Variants in CCND1 observed in about 807,000 individuals in gnomAD.
CCND1 encodes the protein cyclin D1, also known as G1/S-specific cyclin-D1.
A neutral mutation model predicts 26.1 loss-of-function variants in CCND1; 9 were observed. That is an observed-to-expected ratio of 0.35 (90% confidence interval 0.21 to 0.60). The LOEUF (loss-of-function observed/expected upper bound fraction) is 0.60, where lower values mean the gene tolerates loss of function less well. Ranked by LOEUF, CCND1 falls within the 20% of genes least tolerant of loss-of-function variation. CCND1 has a pLI of 0.79. For synonymous variants in CCND1, 194 were observed against 166.1 expected (o/e 1.17, Z -1.29); for missense variants, 335 against 392.9 (o/e 0.85, Z 1.25).
chr11:69,643,228 C>T lies in CCND1; in HGVS notation c.396C>T (p.Ile132=), dbSNP rs376384298. 1.3e-6 allele frequency: 2 copies of T among 1,589,324 alleles called. No individual in the cohort carries two copies. Among genetic ancestry groups the T allele is most frequent in the Non-Finnish European group, 1.7e-6 (2 of 1,168,838 alleles). ...EKLCIYTDNS[I]RPEELLQMEL... ...TGTGCATCTACACCGACAACTCCAT[C>T]CGGCCCGAGGAGCTGCTGGTAACCA... Residue 132 remains isoleucine, a synonymous_variant, in exon 2 of 5, where the codon ATC becomes ATT. Coordinates refer to ENST00000227507, the MANE Select transcript of CCND1 (RefSeq NM_053056.3).
In CCND1 at chr11:69,654,120, A is replaced by G. The variant is rs979610379; in HGVS notation, c.*2838A>G. 16 of 459,602 alleles carry G rather than the reference A, an allele frequency of 3.5e-5. No homozygotes were observed. Among genetic ancestry groups the G allele is most frequent in the Non-Finnish European group, 6.2e-5 (15 of 241,528 alleles). The allele number at this position is 459,602 out of a possible 1,614,324, so 28.5% of individuals were successfully genotyped here. ...CGGAGGCCATCTCGGGCACAGGCCC[A>G]CCCCGCCCCACCCCTCCAGAACACG... On this transcript the variant is annotated 3_prime_UTR_variant, in exon 5 of 5. Coordinates refer to ENST00000227507, the MANE Select transcript of CCND1 (RefSeq NM_053056.3). The surrounding 1 kb of genome is among the most constrained non-coding windows in gnomAD (Gnocchi z 6.3).
chr11:69,647,151 G>T (rs774280613), intron 3 of CCND1, among the ~76,000 whole-genome samples: 3 of 152,242 alleles, frequency 2.0e-5, no homozygotes, highest in Non-Finnish European at 2.9e-5. Context: ...TCCCTTACTT[G>T]GGAAGTCACT....
At chr11:69,642,464 TC>T (rs1163751496) in intron 1 of CCND1, among the ~76,000 whole-genome samples, 1 of 151,408 alleles carries the variant, frequency 6.6e-6, no homozygotes, top group Non-Finnish European at 1.5e-5. Flanking sequence ...TTCCTGGGGC[TC>T]CCCCCGGAGC....
Position 69,654,125 on chromosome 11 carries a change from G to GCCCCA in CCND1, c.*2848_*2852dup. The GCCCCA allele has an allele frequency of 2.1e-6, 1 of 484,516 alleles. No individual in the cohort carries two copies. The highest frequency in any genetic ancestry group is 3.9e-6 in the Non-Finnish European group (1 of 255,892). 30.0% of individuals were successfully genotyped at this position (484,516 alleles called of 1,614,324 possible). On this transcript the variant is annotated 3_prime_UTR_variant, in exon 5 of 5. Transcript: ENST00000227507. The surrounding 1 kb of genome is among the most constrained non-coding windows in gnomAD (Gnocchi z 6.3). The stretch of plus-strand genomic sequence containing the variant: ...GCCATCTCGGGCACAGGCCCACCCC[G>GCCCCA]CCCCACCCCTCCAGAACACGGCTCA...
At position 69,651,154 on chromosome 11, in the gene CCND1, C is replaced by T. The variant is rs781059788; in HGVS notation, c.760C>T (p.Leu254=). Residue 254 remains leucine, a synonymous_variant, in exon 5 of 5, where the codon CTG becomes TTG. Coordinates refer to ENST00000227507, the MANE Select transcript of CCND1 (RefSeq NM_053056.3). ...GGCCTGCCAGGAGCAGATCGAAGCC[C>T]TGCTGGAGTCAAGCCTGCGCCAGGC... is the stretch of plus-strand genomic sequence containing the variant. ...LRACQEQIEA[L]LESSLRQAQQ... 1.2e-6 allele frequency: 2 copies of T among 1,613,238 alleles called. No homozygotes were observed. Among genetic ancestry groups the T allele is most frequent in the Non-Finnish European group, 1.7e-6 (2 of 1,179,552 alleles).
At chr11:69,647,770 TGG>T (rs1327415886) in intron 3 of CCND1, among the ~76,000 whole-genome samples, 5 of 152,170 alleles carry the variant, frequency 3.3e-5, no homozygotes, top group African/African-American at 1.2e-4. Flanking sequence ...GAGTCAACAG[TGG>T]GGCTGACGTT....
chr11:69,648,933 C>G (rs1855820607), intron 4 of CCND1, among the ~76,000 whole-genome samples: 1 of 152,156 alleles, frequency 6.6e-6, no homozygotes, highest in African/African-American at 2.4e-5. Flanking sequence ...CCTGCCTGTC[C>G]CCTGCCTAGT....
At chr11:69,642,785 G>A (rs1399473295) in intron 1 of CCND1, among the ~76,000 whole-genome samples, 2 of 151,866 alleles carry the variant, frequency 1.3e-5, no homozygotes, top group African/African-American at 2.4e-5. Context: ...ACGCCGCCCA[G>A]CTGTGCCCGC....
rs1441048613 is a variant in CCND1, at chr11:69,643,019, G to A, written c.199-12G>A. On this transcript the variant is annotated splice_polypyrimidine_tract_variant and intron_variant, in intron 1 of 4. Transcript: ENST00000227507. ...CCTGGCGGCGGCGGTCACGGGCCCC[G>A]TGCCTCCGTAGGTCTGCGAGGAACA... The A allele has an allele frequency of 6.5e-7, 1 of 1,547,174 alleles. No homozygotes were observed. Among genetic ancestry groups the A allele is most frequent in the Non-Finnish European group, 8.7e-7 (1 of 1,145,442 alleles).
Position 69,647,986 on chromosome 11 carries a change from T to C in CCND1, c.575-8T>C, listed in dbSNP as rs201881393. 6.2e-7 allele frequency: 1 copy of C among 1,613,742 alleles called. No individual in the cohort carries two copies. The highest frequency in any genetic ancestry group is 1.3e-5 in the African/African-American group (1 of 75,058). ...CACAGCCTCCTTCCCTCTCTCCTTC[T>C]GCCTCAGATGTGAAGTTCATTTCCA... On this transcript the variant is annotated splice_polypyrimidine_tract_variant and splice_region_variant and intron_variant, in intron 3 of 4. Transcript: ENST00000227507.
rs1417687689 is a variant in CCND1 at position 69,641,282 on chromosome 11, C to T, written c.-32C>T. 1 of 1,597,642 alleles carries T rather than the reference C, an allele frequency of 6.3e-7. No homozygotes were observed. The highest frequency in any genetic ancestry group is 8.5e-7 in the Non-Finnish European group (1 of 1,172,792). ...GCGCGGACCCAGCCAGGACCCACAGCCCTCCCCAGCTGCCCAGGAAGAGCC... is the reference window on the plus strand; with the variant it reads ...GCGCGGACCCAGCCAGGACCCACAGTCCTCCCCAGCTGCCCAGGAAGAGCC... On this transcript the variant is annotated 5_prime_UTR_variant, in exon 1 of 5. Coordinates refer to ENST00000227507, the MANE Select transcript of CCND1 (RefSeq NM_053056.3).
In CCND1 at chr11:69,651,314, C is replaced by T. The variant is rs765041741; in HGVS notation, c.*32C>T. The T allele has an allele frequency of 1.2e-5, 17 of 1,435,972 alleles. No individual in the cohort carries two copies. Among genetic ancestry groups the T allele is most frequent in the East Asian group, 1.1e-4 (4 of 35,604 alleles). The allele number at this position is 1,435,972 out of a possible 1,614,324, so 89.0% of individuals were successfully genotyped here. The stretch of plus-strand genomic sequence containing the variant: ...CAGGCAGGCGGGCGCCACCGCCACC[C>T]GCAGCGAGGGCGGAGCCGGCCCCAG... On this transcript the variant is annotated 3_prime_UTR_variant, in exon 5 of 5. Transcript: ENST00000227507.
At chr11:69,644,559 G>A (rs768467948) in intron 3 of CCND1, among the ~76,000 whole-genome samples, 1 of 152,188 alleles carries the variant, frequency 6.6e-6, no homozygotes, top group East Asian at 1.9e-4. Context: ...GCAGCCAGCC[G>A]GGCTCAGCTG....
Position 69,643,902 on chromosome 11 carries a change from A to G in CCND1, c.485A>G (p.Glu162Gly), listed in dbSNP as rs1332977808. ...GCAATGACCCCGCACGATTTCATTG[A>G]ACACTTCCTCTCCAAAATGCCAGAG... The part of the protein sequence containing the change: ...LAAMTPHDFI[E>G]HFLSKMPEAE... The change falls in exon 3 of 5, where the codon GAA becomes GGA. Residue 162 changes from glutamate to glycine, a missense_variant. By Grantham distance (98) the Glu-to-Gly change is moderately conservative. Transcript: ENST00000227507. 2 of 1,613,544 alleles carry G rather than the reference A, an allele frequency of 1.2e-6. No homozygotes were observed. Among genetic ancestry groups the G allele is most frequent in the African/African-American group, 2.7e-5 (2 of 74,938 alleles).
chr11:69,642,254 G>A (rs1168049575), intron 1 of CCND1, among the ~76,000 whole-genome samples: 2 of 152,230 alleles, frequency 1.3e-5, no homozygotes, highest in African/African-American at 4.8e-5. Context: ...GCCAGGGCTT[G>A]ATCCCCGTCT....
At chr11:69,641,551 A>T (rs1431122322) in intron 1 of CCND1, 40 bp downstream of exon 1, 1 of 1,596,306 alleles carries the variant, frequency 6.3e-7, no homozygotes. Flanking sequence ...CTTCCCTGCA[A>T]CTTGTTGCCC....
In CCND1 at chr11:69,647,982, C is replaced by T. The variant is rs1855806103; in HGVS notation, c.575-12C>T. The T allele has an allele frequency of 6.2e-7, 1 of 1,613,512 alleles. No homozygotes were observed. The highest frequency in any genetic ancestry group is 1.3e-5 in the African/African-American group (1 of 74,932). ...TGCTCACAGCCTCCTTCCCTCTCTC[C>T]TTCTGCCTCAGATGTGAAGTTCATT... On this transcript the variant is annotated splice_polypyrimidine_tract_variant and intron_variant, in intron 3 of 4. Transcript: ENST00000227507.
At chr11:69,650,106 T>C (rs964674357) in intron 4 of CCND1, among the ~76,000 whole-genome samples, 1 of 152,120 alleles carries the variant, frequency 6.6e-6, no homozygotes, top group African/African-American at 2.4e-5. Flanking sequence ...CCCCTTCTGG[T>C]TGGGAGTTAA....
rs1482163737 is a variant in CCND1, at chr11:69,652,545, T to C, written c.*1263T>C. On this transcript the variant is annotated 3_prime_UTR_variant, in exon 5 of 5. Coordinates refer to ENST00000227507, the MANE Select transcript of CCND1 (RefSeq NM_053056.3). ...GTTCCTTTCCTTTTCTTTAAAGAAG[T>C]TGAAGTTTAGGAATCCTTTGGTGCC... 4.3e-6 allele frequency: 1 copy of C among 233,260 alleles called. No individual in the cohort carries two copies. The highest frequency in any genetic ancestry group is 1.3e-3 in the Middle Eastern group (1 of 786). The allele number at this position is 233,260 out of a possible 1,614,324, so 14.4% of individuals were successfully genotyped here. A position where few individuals can be genotyped will look rare whatever the true frequency, so the allele number is the denominator to read the frequency against.
Sources: gnomAD v4.1 joint callset for allele counts (sites outside exome capture counted in the v4.1 genomes callset) on GRCh38, gnomAD v4.1.1 for gene constraint, Gnocchi (gnomAD v3.1) non-coding constraint, MANE v1.5 for transcripts, NCBI Gene and HGNC (gene_info 2026-07-23, HGNC 2026-07-21) for gene names.